The following NLGN4X variants were observed in gnomAD, a reference collection of about 807,000 sequenced individuals.
The protein encoded by NLGN4X is neuroligin-4, X-linked.
In NLGN4X, 3 loss-of-function variants were observed where a neutral mutation model predicts 40.3. The ratio of observed to expected loss-of-function variants is 0.07; its 90% CI spans 0.03 to 0.19. The LOEUF (loss-of-function observed/expected upper bound fraction) is 0.19, where lower values mean the gene tolerates loss of function less well. NLGN4X is among the 10% of genes least tolerant of loss of function. The pLI is 1.00. For missense variants in NLGN4X, 382 were observed against 708.3 expected (o/e 0.54, Z 5.23); for synonymous variants, 270 against 306.8 (o/e 0.88, Z 1.25).
chrX:6,102,248 G>A (rs1265269022), intron 2 of NLGN4X, among the ~76,000 whole-genome samples: 1 of 111,584 alleles, frequency 9.0e-6, no homozygotes. Context: ...AATATCTCAT[G>A]TACTCCATAA....
Position 6,151,254 on chromosome X carries a change from C to T in NLGN4X, c.213G>A (p.Glu71=), listed in dbSNP as rs1326219211. 1 of 1,211,567 alleles carries T rather than the reference C, an allele frequency of 8.3e-7. No individual in the cohort carries two copies. The highest frequency in any genetic ancestry group is 1.1e-6 in the Non-Finnish European group (1 of 895,411). Residue 71 remains glutamate (E), a synonymous_variant, in exon 2 of 6, where the codon GAG becomes GAA. Coordinates refer to ENST00000381095, the MANE Select transcript of NLGN4X (RefSeq NM_181332.3). ...AGGCATAGGGGACCCCTAAGTACTG[C>T]TCCACTGGACCCAAGATCTCATTGG... is the stretch of plus-strand genomic sequence containing the variant. The part of the protein sequence containing the change: ...PLPNEILGPV[E]QYLGVPYASP...
intron 3 of NLGN4X, among the ~76,000 whole-genome samples, chrX:5,965,045 T>C (rs1336377145): frequency 1.8e-5 from 2 of 111,852 alleles, no homozygotes; most frequent in Non-Finnish European, 3.8e-5. Context: ...GCAACTGTCT[T>C]AGGTGGATCG....
chrX:6,056,537 CTTTG>C (rs1160304672), intron 2 of NLGN4X, among the ~76,000 whole-genome samples: 1 of 110,731 alleles, frequency 9.0e-6, no homozygotes, highest in Non-Finnish European at 1.9e-5. Context: ...TTTTGTTTTG[CTTTG>C]TTTGGGCTGA....
intron 2 of NLGN4X, among the ~76,000 whole-genome samples, chrX:6,121,513 G>A (rs1319225174): frequency 8.9e-6 from 1 of 112,311 alleles, no homozygotes; most frequent in Non-Finnish European, 1.9e-5. Flanking sequence ...GTTTGCCCAT[G>A]GAGATGCAGG....
Position 5,890,951 on chromosome X carries a change from A to T in NLGN4X, c.*1866T>A, listed in dbSNP as rs2146674061. On this transcript the variant is annotated 3_prime_UTR_variant, in exon 6 of 6. Transcript: ENST00000381095. ...AGAGCCAGGCAGCTGGACAATTTTT[A>T]TGGGGAATGTCCACTTTAGCGGAGA... 1 of 314,045 alleles carries T rather than the reference A, an allele frequency of 3.2e-6. No individual in the cohort carries two copies. The highest frequency in any genetic ancestry group is 2.7e-5 in the African/African-American group (1 of 37,109). 25.9% of individuals were successfully genotyped at this position (314,045 alleles called of 1,213,427 possible).
chrX:6,127,942 A>C (rs1459137003), intron 2 of NLGN4X, among the ~76,000 whole-genome samples: 3 of 108,561 alleles, frequency 2.8e-5, no homozygotes, highest in Non-Finnish European at 3.8e-5. Flanking sequence ...GAAGATATTT[A>C]CAACATGTAA....
rs2031129478 is a variant in NLGN4X at position 5,890,953 on chromosome X, G to A, written c.*1864C>T. The A allele has an allele frequency of 1.3e-5, 4 of 313,086 alleles. No homozygotes were observed. The highest frequency in any genetic ancestry group is 8.7e-5 in the South Asian group (3 of 34,538). 25.8% of individuals were successfully genotyped at this position (313,086 alleles called of 1,213,427 possible). Reference sequence around the variant, plus strand: ...AGCCAGGCAGCTGGACAATTTTTATGGGGAATGTCCACTTTAGCGGAGAGA... The same window carrying A: ...AGCCAGGCAGCTGGACAATTTTTATAGGGAATGTCCACTTTAGCGGAGAGA... On this transcript the variant is annotated 3_prime_UTR_variant, in exon 6 of 6. Coordinates refer to ENST00000381095, the MANE Select transcript of NLGN4X (RefSeq NM_181332.3).
intron 2 of NLGN4X, among the ~76,000 whole-genome samples, chrX:6,037,772 G>A (rs938555490): frequency 4.5e-5 from 5 of 110,190 alleles, no homozygotes; most frequent in African/African-American, 6.6e-5. Flanking sequence ...GGAGGGGCAC[G>A]GAAAGAAATG....
At chrX:6,120,664 C>T (rs1186423105) in intron 2 of NLGN4X, among the ~76,000 whole-genome samples, 1 of 111,819 alleles carries the variant, frequency 8.9e-6, no homozygotes, top group Non-Finnish European at 1.9e-5. Context: ...AACTGGCTTC[C>T]TCACTGCCTT....
chrX:6,112,744 C>T (rs1029886649), intron 2 of NLGN4X, among the ~76,000 whole-genome samples: 2 of 109,419 alleles, frequency 1.8e-5, no homozygotes, highest in Non-Finnish European at 3.8e-5. Context: ...CCACCACACC[C>T]GGCCTCCTGC....
At position 5,925,019 on chromosome X, in the gene NLGN4X, T is replaced by A. The variant is rs759207540; in HGVS notation, c.626-15780A>T. On this transcript the variant is annotated intron_variant, in intron 3 of 5. Transcript: ENST00000381095. ...AAACCTATGAAAATAAAAAAAAAAA[T>A]TTAAAGTCCCAATTCATTAATAATA... Among the ~76,000 whole-genome samples, 22 of 110,523 alleles carry A rather than the reference T, an allele frequency of 2.0e-4. No individual in the cohort carries two copies. In the East Asian group the frequency reaches 4.0e-3, roughly 20 times the overall value.
In NLGN4X at chrX:6,028,443, G is replaced by A. The variant is rs763297318; in HGVS notation, c.625+837C>T. ...TGGAAGGCCGAGGCAGGCGGATCAC[G>A]AGGTCAGGAGTTCGAGACCAGCCTG... On this transcript the variant is annotated intron_variant, in intron 3 of 5. Coordinates refer to ENST00000381095, the MANE Select transcript of NLGN4X (RefSeq NM_181332.3). Among the ~76,000 whole-genome samples, 6 of 110,164 alleles carry A rather than the reference G, an allele frequency of 5.4e-5. No homozygotes were observed. In the East Asian group the frequency reaches 1.5e-3, roughly 27 times the overall value.
chrX:5,979,715 A>AATAT (rs36055906), intron 3 of NLGN4X, among the ~76,000 whole-genome samples: 2 of 84,167 alleles, frequency 2.4e-5, no homozygotes, highest in Admixed American at 2.9e-4. Flanking sequence ...CTCCTTTTAG[A>AATAT]ATATATATAT....
At chrX:6,153,163 T>C (rs753284506) in intron 1 of NLGN4X, among the ~76,000 whole-genome samples, 71 of 112,146 alleles carry the variant, frequency 6.3e-4, no homozygotes, top group African/African-American at 2.3e-3. Flanking sequence ...AAAATAATTA[T>C]CCATTTCATT....
At chrX:6,219,876 C>T (rs749259987) in intron 1 of NLGN4X, among the ~76,000 whole-genome samples, 1 of 112,081 alleles carries the variant, frequency 8.9e-6, no homozygotes, top group South Asian at 3.7e-4. Context: ...ATTTGTATAG[C>T]TGGTTATATT....
chrX:6,226,434 C>T (rs921175313), intron 1 of NLGN4X, among the ~76,000 whole-genome samples: 1 of 110,980 alleles, frequency 9.0e-6, no homozygotes, highest in Admixed American at 9.4e-5. Flanking sequence ...CCGGGCCAGG[C>T]CTCGGGGGTG....
intron 3 of NLGN4X, among the ~76,000 whole-genome samples, chrX:5,999,124 G>A (rs1453279750): frequency 1.8e-5 from 2 of 111,287 alleles, no homozygotes; most frequent in Non-Finnish European, 3.8e-5. Flanking sequence ...CCACCAAGAC[G>A]ACCTAGGCCT....
intron 3 of NLGN4X, among the ~76,000 whole-genome samples, chrX:5,923,653 T>C (rs551093158): frequency 3.2e-4 from 36 of 111,812 alleles, no homozygotes; most frequent in African/African-American, 1.1e-3. Flanking sequence ...ACTTATTCAC[T>C]ATCATGAGAA....
chrX:5,993,635 C>A (rs1001386056), intron 3 of NLGN4X, among the ~76,000 whole-genome samples: 1 of 112,364 alleles, frequency 8.9e-6, no homozygotes, highest in Non-Finnish European at 1.9e-5. Context: ...CCACACCATA[C>A]TTGGCCCATC....
Sources: gnomAD v4.1 joint callset for allele counts (sites outside exome capture counted in the v4.1 genomes callset) on GRCh38, gnomAD v4.1.1 for gene constraint, MANE v1.5 for transcripts, NCBI Gene and HGNC (gene_info 2026-07-23, HGNC 2026-07-21) for gene names.